The following CAMKMT variants were observed in gnomAD, a reference collection of about 807,000 sequenced individuals.
The protein encoded by CAMKMT is calmodulin-lysine N-methyltransferase.
In CAMKMT, 53 loss-of-function variants were observed where a neutral mutation model predicts 48.0. That is an observed-to-expected ratio of 1.10 (90% CI 0.89 to 1.39). CAMKMT has a LOEUF of 1.39. CAMKMT is among the 40% of genes most tolerant of loss of function. The pLI, the probability that CAMKMT is intolerant of heterozygous loss-of-function variation, is 0.00. For synonymous variants in CAMKMT, 165 were observed against 152.3 expected (o/e 1.08, Z -0.61); for missense variants, 428 against 402.7 (o/e 1.06, Z -0.54).
rs114827355 is a variant in CAMKMT, at chr2:44,427,667, G to A, written c.376+37362G>A. 3.1e-3 allele frequency among the ~76,000 whole-genome samples: 474 copies of A among 152,264 alleles called. 2 individuals carry two copies. The highest frequency in any genetic ancestry group is 0.011 in the African/African-American group (441 of 41,542). On this transcript the variant is annotated intron_variant, in intron 3 of 10. Transcript: ENST00000378494. ...ACAAGTATCCCCTGTATCTTAAAAT[G>A]TGTATATGTATTTTTTTTTAGCCTT...
chr2:44,478,080 A>G (rs757733133), intron 3 of CAMKMT, among the ~76,000 whole-genome samples: 4 of 152,222 alleles, frequency 2.6e-5, no homozygotes, highest in South Asian at 2.1e-4. Flanking sequence ...AATATTTTCT[A>G]GGAATCTGTG....
intron 6 of CAMKMT, among the ~76,000 whole-genome samples, chr2:44,714,444 C>T (rs1007321881): frequency 2.0e-5 from 3 of 152,168 alleles, no homozygotes; most frequent in Admixed American, 6.5e-5. Flanking sequence ...AAGGCCATAG[C>T]GTAAGTCTGT....
rs537042706 is a variant in CAMKMT at position 44,618,858 on chromosome 2, A to G, written c.377-85425A>G. 6.6e-6 allele frequency among the ~76,000 whole-genome samples: 1 copy of G among 152,258 alleles called. No individual in the cohort carries two copies. The highest frequency in any genetic ancestry group is 6.5e-5 in the Admixed American group (1 of 15,298). ...GTACAACTACCTTTTATTCTATTTC[A>G]TGTATAATTGATGACAATGTTTCAT... is the stretch of plus-strand genomic sequence containing the variant. On this transcript the variant is annotated intron_variant, in intron 3 of 10. Coordinates refer to ENST00000378494, the MANE Select transcript of CAMKMT (RefSeq NM_024766.5). This position sits in a 1 kb window ranked among gnomAD's most constrained non-coding sequence, Gnocchi z 4.0.
chr2:44,456,625 G>A, intron 3 of CAMKMT: 1 of 1,547,096 alleles, frequency 6.5e-7, no homozygotes, highest in South Asian at 1.2e-5. Flanking sequence ...TTCCTTTTTT[G>A]TTTAAATGGT....
chr2:44,718,660 T>G (rs894166785), intron 7 of CAMKMT, among the ~76,000 whole-genome samples: 6 of 152,216 alleles, frequency 3.9e-5, no homozygotes, highest in Non-Finnish European at 8.8e-5. Context: ...TTTCTAGGTC[T>G]TCCAGAATTA....
chr2:44,603,277 GAC>G (rs1558737718), intron 3 of CAMKMT, among the ~76,000 whole-genome samples: 165 of 151,872 alleles, frequency 1.1e-3, no homozygotes, highest in African/African-American at 3.7e-3. Flanking sequence ...TTTTAGTAGA[GAC>G]AGGGTTTCAC....
intron 3 of CAMKMT, among the ~76,000 whole-genome samples, chr2:44,557,732 G>A (rs531952999): frequency 5.3e-5 from 8 of 152,262 alleles, no homozygotes; most frequent in African/African-American, 1.9e-4. Context: ...TCTTGTTACC[G>A]GGAGGTGATC....
chr2:44,440,822 C>A (rs750997427), intron 3 of CAMKMT, among the ~76,000 whole-genome samples: 1 of 151,642 alleles, frequency 6.6e-6, no homozygotes, highest in Admixed American at 6.6e-5. Flanking sequence ...ACCTTTTATC[C>A]CTTATTTTTT....
chr2:44,766,464 A>G lies in CAMKMT; in HGVS notation c.797A>G (p.Asn266Ser), dbSNP rs1330795382. The G allele has an allele frequency of 3.7e-6, 6 of 1,614,054 alleles. No individual in the cohort carries two copies. The highest frequency in any genetic ancestry group is 5.1e-6 in the Non-Finnish European group (6 of 1,180,028). The part of the protein sequence containing the change: ...KAMVFAPRRG[N>S]TLNQFCNLAE... Reference sequence around the variant, plus strand: ...ATGGTATTTGCCCCACGCCGAGGGAATACTTTAAACCAGTTTTGCAATCTA... The same window carrying G: ...ATGGTATTTGCCCCACGCCGAGGGAGTACTTTAAACCAGTTTTGCAATCTA... Residue 266 changes from asparagine to serine, a missense_variant, in exon 10 of 11, where the codon AAT becomes AGT. Transcript: ENST00000378494.
intron 3 of CAMKMT, among the ~76,000 whole-genome samples, chr2:44,616,830 C>T (rs1037868047): frequency 3.9e-5 from 6 of 152,146 alleles, no homozygotes; most frequent in African/African-American, 1.2e-4. Context: ...CAGAAATGAG[C>T]TCATGTTTCT....
chr2:44,459,099 T>TG (rs929325636), intron 3 of CAMKMT, among the ~76,000 whole-genome samples: 4 of 150,228 alleles, frequency 2.7e-5, no homozygotes, highest in Admixed American at 6.6e-5. Context: ...CATTTCTAAG[T>TG]GGGAAAAAAA....
intron 3 of CAMKMT, among the ~76,000 whole-genome samples, chr2:44,612,072 A>G (rs1671632670): frequency 1.3e-5 from 2 of 152,132 alleles, no homozygotes; most frequent in Admixed American, 6.5e-5. Context: ...CTAATAAACT[A>G]TGTATGTGAT....
At chr2:44,474,308 G>A (rs2104659662) in intron 3 of CAMKMT, among the ~76,000 whole-genome samples, 1 of 152,070 alleles carries the variant, frequency 6.6e-6, no homozygotes, top group South Asian at 2.1e-4. Flanking sequence ...TTAGCCGGGT[G>A]TGGTGGCAGG....
intron 3 of CAMKMT, among the ~76,000 whole-genome samples, chr2:44,536,000 T>C (rs1666751921): frequency 6.6e-6 from 1 of 152,198 alleles, no homozygotes; most frequent in Non-Finnish European, 1.5e-5. Context: ...CATTAAACTG[T>C]TAAATTCAGT....
chr2:44,547,777 T>C (rs1013817498), intron 3 of CAMKMT, among the ~76,000 whole-genome samples: 1 of 152,166 alleles, frequency 6.6e-6, no homozygotes, highest in African/African-American at 2.4e-5. Context: ...ATCTGACACA[T>C]AGGAGAAGTT....
chr2:44,586,813 A>C (rs931384689), intron 3 of CAMKMT, among the ~76,000 whole-genome samples: 2 of 152,172 alleles, frequency 1.3e-5, no homozygotes, highest in African/African-American at 4.8e-5. Context: ...TTATTTTTCT[A>C]GAGTAAATAC....
chr2:44,758,606 G>T (rs1006911633), intron 9 of CAMKMT, among the ~76,000 whole-genome samples: 1 of 152,134 alleles, frequency 6.6e-6, no homozygotes, highest in Non-Finnish European at 1.5e-5. Context: ...GCATGAAAAA[G>T]GAATGAAATC....
At chr2:44,470,995 T>TCTC (rs200332731) in intron 3 of CAMKMT, among the ~76,000 whole-genome samples, 1 of 3,576 alleles carries the variant, frequency 2.8e-4, no homozygotes, top group Non-Finnish European at 1.1e-3. Context: ...TCTCTCTCTC[T>TCTC]TTTTTTTTTT....
At chr2:44,391,979 C>G (rs945104727) in intron 3 of CAMKMT, 1 of 152,576 alleles carries the variant, frequency 6.6e-6, no homozygotes, top group African/African-American at 2.4e-5. Context: ...TGAACCTCAA[C>G]TGTTTTCATC....
Sources: gnomAD v4.1 joint callset for allele counts (sites outside exome capture counted in the v4.1 genomes callset) on GRCh38, gnomAD v4.1.1 for gene constraint, Gnocchi (gnomAD v3.1) non-coding constraint, MANE v1.5 for transcripts, NCBI Gene and HGNC (gene_info 2026-07-23, HGNC 2026-07-21) for gene names.